Variants in APOBEC3C observed in about 807,000 individuals in gnomAD.
The protein encoded by APOBEC3C is DNA dC->dU-editing enzyme APOBEC-3C.
Under a neutral mutation model 20.6 loss-of-function variants are expected in APOBEC3C, and 14 were observed. That is an observed-to-expected ratio of 0.68 (90% CI 0.45 to 1.06). The LOEUF (loss-of-function observed/expected upper bound fraction) is 1.06. APOBEC3C is among the 50% of genes least tolerant of loss of function. APOBEC3C has a pLI of 0.00. For synonymous variants in APOBEC3C, 98 were observed against 88.8 expected, an observed-to-expected ratio of 1.10 and a Z score of -0.58; for missense variants, 244 against 241.9, an observed-to-expected ratio of 1.01 and a Z score of -0.06.
At position 39,018,660 on chromosome 22, in the gene APOBEC3C, T is replaced by C. The variant is rs1041450256; in HGVS notation, c.*273T>C. ...CGTGCCCCTAACCTGGCTTTTCCCA[T>C]CTCCCCAGCATAACCAAATCTTACT... On this transcript the variant is annotated 3_prime_UTR_variant, in exon 4 of 4. Transcript: ENST00000361441. 7.4e-5 allele frequency: 23 copies of C among 310,124 alleles called. No individual in the cohort carries two copies. Among genetic ancestry groups the C allele is most frequent in the African/African-American group, 3.9e-4 (18 of 46,512 alleles). The allele number at this position is 310,124 out of a possible 1,614,324, so 19.2% of individuals were successfully genotyped here.
intron 1 of APOBEC3C, among the ~76,000 whole-genome samples, 190 bp from the exon 2 acceptor site, chr22:39,015,405 G>T (rs555017165): frequency 2.0e-5 from 3 of 151,992 alleles, no homozygotes; most frequent in East Asian, 3.9e-4. Context: ...TGCTGCCCCT[G>T]CCAGCGTCCC....
chr22:39,014,825 G>C (rs1924724618), intron 1 of APOBEC3C, among the ~76,000 whole-genome samples: 5 of 152,154 alleles, frequency 3.3e-5, no homozygotes. Context: ...GAGGGTGTGG[G>C]GGAGGGAATG....
rs982972092 is a variant in APOBEC3C, at chr22:39,020,143, C to A, written c.*1756C>A. 3 of 152,132 alleles carry A rather than the reference C, an allele frequency of 2.0e-5. No homozygotes were observed. Among genetic ancestry groups the A allele is most frequent in the African/African-American group, 7.2e-5 (3 of 41,416 alleles). 9.4% of individuals were successfully genotyped at this position (152,132 alleles called of 1,614,324 possible). On this transcript the variant is annotated 3_prime_UTR_variant, in exon 4 of 4. Transcript: ENST00000361441. ...TTTGTTCAATAAGCATGGACTGCAA[C>A]CACCTACATGAATATTCATAGCTCC...
In APOBEC3C at chr22:39,019,558, TA is replaced by T. The variant is rs1924943002; in HGVS notation, c.*1176del. 6.6e-6 allele frequency: 1 copy of T among 152,204 alleles called. No individual in the cohort carries two copies. Among genetic ancestry groups the T allele is most frequent in the African/African-American group, 2.4e-5 (1 of 41,462 alleles). 9.4% of individuals were successfully genotyped at this position (152,204 alleles called of 1,614,324 possible). A position where few individuals can be genotyped will look rare whatever the true frequency, so the allele number is the denominator to read the frequency against. ...AAGTTTTAGAGAATGAGATTCTCCATAAAAATGACCCTTTCATGCTGTGGCC... is the reference window on the plus strand; with the variant it reads ...AAGTTTTAGAGAATGAGATTCTCCATAAAATGACCCTTTCATGCTGTGGCC... On this transcript the variant is annotated 3_prime_UTR_variant, in exon 4 of 4. Coordinates refer to ENST00000361441, the MANE Select transcript of APOBEC3C (RefSeq NM_014508.3).
rs939700962 is a variant in APOBEC3C at position 39,017,969 on chromosome 22, C to T, written c.378C>T (p.Phe126=). The T allele has an allele frequency of 2.5e-6, 4 of 1,614,108 alleles. No individual in the cohort carries two copies. Among genetic ancestry groups the T allele is most frequent in the Non-Finnish European group, 3.4e-6 (4 of 1,180,048 alleles). Residue 126 remains phenylalanine (F), a synonymous_variant, in exon 3 of 4, where the codon TTC becomes TTT. Coordinates refer to ENST00000361441, the MANE Select transcript of APOBEC3C (RefSeq NM_014508.3). ...LTIFTARLYY[F]QYPCYQEGLR... ...TCTTCACCGCCCGCCTCTACTACTT[C>T]CAGTATCCATGTTACCAGGAGGGGC...
At chr22:39,015,293 TA>T (rs531167782) in intron 1 of APOBEC3C, among the ~76,000 whole-genome samples, 10,193 of 131,854 alleles carry the variant, frequency 0.077, 1,096 homozygotes, top group African/African-American at 0.25. Flanking sequence ...ATGCCGTCTT[TA>T]AAAAAAAAAA....
chr22:39,017,936 T>C lies in APOBEC3C; in HGVS notation c.345T>C (p.Asn115=), dbSNP rs1924856155. 1 of 1,613,990 alleles carries C rather than the reference T, an allele frequency of 6.2e-7. No individual in the cohort carries two copies. Among genetic ancestry groups the C allele is most frequent in the Non-Finnish European group, 8.5e-7 (1 of 1,180,020 alleles). Residue 115 remains asparagine, a synonymous_variant, in exon 3 of 4, where the codon AAT becomes AAC. Transcript: ENST00000361441. ...AEFLARHSNV[N]LTIFTARLYY... ...TCCTGGCCAGGCACAGCAACGTGAA[T>C]CTCACCATCTTCACCGCCCGCCTCT...
In APOBEC3C at chr22:39,020,108, T is replaced by A. The variant is rs1468254019; in HGVS notation, c.*1721T>A. ...ACTATGCCCGGCTGGGATCATATGTTCCACACATGTTTGTTCAATAAGCAT... is the reference window on the plus strand; with the variant it reads ...ACTATGCCCGGCTGGGATCATATGTACCACACATGTTTGTTCAATAAGCAT... On this transcript the variant is annotated 3_prime_UTR_variant, in exon 4 of 4. Transcript: ENST00000361441. 1 of 152,150 alleles carries A rather than the reference T, an allele frequency of 6.6e-6. No homozygotes were observed. The highest frequency in any genetic ancestry group is 1.5e-5 in the Non-Finnish European group (1 of 68,036). The allele number at this position is 152,150 out of a possible 1,614,324, so 9.4% of individuals were successfully genotyped here. A position where few individuals can be genotyped will look rare whatever the true frequency, so the allele number is the denominator to read the frequency against.
intron 1 of APOBEC3C, among the ~76,000 whole-genome samples, chr22:39,015,167 C>T (rs1314962067): frequency 6.6e-6 from 1 of 151,950 alleles, no homozygotes; most frequent in South Asian, 2.1e-4. Context: ...GGGGTGCTGG[C>T]GGGCGTCTGT....
rs567859674 is a variant in APOBEC3C, at chr22:39,014,332, G to A, written c.-31G>A. 6.2e-7 allele frequency: 1 copy of A among 1,614,072 alleles called. No individual in the cohort carries two copies. The highest frequency in any genetic ancestry group is 1.3e-5 in the African/African-American group (1 of 75,046). The stretch of plus-strand genomic sequence containing the variant: ...GCCACAGCGCTTCAGAAAAGAGTGG[G>A]ACAGGGACAAGCATATCTAAGAGGC... On this transcript the variant is annotated 5_prime_UTR_variant, in exon 1 of 4. Transcript: ENST00000361441.
chr22:39,015,727 G>A lies in APOBEC3C; in HGVS notation c.150G>A (p.Trp50Ter). ...EGIKRRSVVSWKTGVFRNQVD... is the reference protein window; with the variant it reads ...EGIKRRSVVS ...TAAAGCGCCGCTCAGTTGTCTCCTG[G>A]AAGACGGGCGTCTTCCGAAACCAGG... Residue 50 changes from tryptophan (W) to a stop codon, truncating the protein, a stop_gained, in exon 2 of 4, where the codon TGG becomes TGA. Transcript: ENST00000361441. LOFTEE classifies it high-confidence loss of function. The A allele has an allele frequency of 6.2e-7, 1 of 1,613,988 alleles. No homozygotes were observed. The highest frequency in any genetic ancestry group is 8.5e-7 in the Non-Finnish European group (1 of 1,179,970).
Position 39,018,299 on chromosome 22 carries a change from A to T in APOBEC3C, c.485A>T (p.Tyr162Phe). The T allele has an allele frequency of 6.2e-7, 1 of 1,613,962 alleles. No individual in the cohort carries two copies. ...DFKYCWENFV[Y>F]NDNEPFKPWK... ...AAATATTGTTGGGAAAACTTTGTGT[A>T]CAATGATAATGAGCCATTCAAGCCT... Residue 162 changes from tyrosine (Y) to phenylalanine (F), a missense_variant, in exon 4 of 4, where the codon TAC (tyrosine) becomes TTC (phenylalanine). Transcript: ENST00000361441.
rs1447121147 is a variant in APOBEC3C at position 39,019,680 on chromosome 22, G to GGTT, written c.*1297_*1299dup. 6.6e-6 allele frequency: 1 copy of GGTT among 152,006 alleles called. No homozygotes were observed. Among genetic ancestry groups the GGTT allele is most frequent in the Non-Finnish European group, 1.5e-5 (1 of 68,030 alleles). The allele number at this position is 152,006 out of a possible 1,614,324, so 9.4% of individuals were successfully genotyped here. ...AGGTCCAACTTCGAGGGGTGGGTGGGGTTGTTTCCTCTGAGGCCGCTCCTT... is the reference window on the plus strand; with the variant it reads ...AGGTCCAACTTCGAGGGGTGGGTGGGGTTGTTGTTTCCTCTGAGGCCGCTCCTT... On this transcript the variant is annotated 3_prime_UTR_variant, in exon 4 of 4. Transcript: ENST00000361441.
At chr22:39,014,623 CCGAAAATCA>C (rs1164625255) in intron 1 of APOBEC3C, among the ~76,000 whole-genome samples, 1 of 152,150 alleles carries the variant, frequency 6.6e-6, no homozygotes, top group East Asian at 1.9e-4. Flanking sequence ...AGACTCTCCC[CCGAAAATCA>C]TGCCCGGGCT....
Position 39,018,502 on chromosome 22 carries a change from GGCCTCAGGGCC to G in APOBEC3C, c.*116_*126del. 2 of 1,262,060 alleles carry G rather than the reference GGCCTCAGGGCC, an allele frequency of 1.6e-6. No individual in the cohort carries two copies. The highest frequency in any genetic ancestry group is 2.4e-5 in the East Asian group (1 of 42,126). 78.2% of individuals were successfully genotyped at this position (1,262,060 alleles called of 1,614,324 possible). ...TGCCTGGTCATCCTGAGCCCCTCCT[GGCCTCAGGGCC>G]ATTCCACAGTGCTCCCCTGCCTCAC... On this transcript the variant is annotated 3_prime_UTR_variant, in exon 4 of 4. Coordinates refer to ENST00000361441, the MANE Select transcript of APOBEC3C (RefSeq NM_014508.3).
In APOBEC3C at chr22:39,017,831, G is replaced by A; in HGVS notation, c.240G>A (p.Leu80=). 1 of 1,614,090 alleles carries A rather than the reference G, an allele frequency of 6.2e-7. No homozygotes were observed. The highest frequency in any genetic ancestry group is 8.5e-7 in the Non-Finnish European group (1 of 1,179,978). The change falls in exon 3 of 4, where the codon CTG becomes CTA. Residue 80 remains leucine (L), a synonymous_variant. Coordinates refer to ENST00000361441, the MANE Select transcript of APOBEC3C (RefSeq NM_014508.3). Reference sequence around the variant, plus strand: ...TCTCTTGGTTCTGCGACGACATACTGTCTCCTAACACAAAGTACCAGGTCA... The same window carrying A: ...TCTCTTGGTTCTGCGACGACATACTATCTCCTAACACAAAGTACCAGGTCA... ...CFLSWFCDDI[L]SPNTKYQVTW...
rs950966322 is a variant in APOBEC3C, at chr22:39,015,993, A to G, written c.174+242A>G. Among the ~76,000 whole-genome samples, 41 of 150,420 alleles carry G rather than the reference A, an allele frequency of 2.7e-4. No individual in the cohort carries two copies. The Admixed American group carries it at 2.7e-3, about 10-fold the overall frequency. ...CAGGTTCACGCGATTCTCCTGCCTC[A>G]GTCTCCCGAGTAGCTGGGATTACAG... On this transcript the variant is annotated intron_variant, in intron 2 of 3. Transcript: ENST00000361441.
rs1924923666 is a variant in APOBEC3C at position 39,019,264 on chromosome 22, T to C, written c.*877T>C. On this transcript the variant is annotated 3_prime_UTR_variant, in exon 4 of 4. Coordinates refer to ENST00000361441, the MANE Select transcript of APOBEC3C (RefSeq NM_014508.3). ...ATCCATAGCTTCTGCGATAAATGGC[T>C]GTAAGTCTTGGACTCCTTGCTCCAA... The C allele has an allele frequency of 6.6e-6, 1 of 152,190 alleles. No individual in the cohort carries two copies. Among genetic ancestry groups the C allele is most frequent in the African/African-American group, 2.4e-5 (1 of 41,444 alleles). 9.4% of individuals were successfully genotyped at this position (152,190 alleles called of 1,614,324 possible).
At chr22:39,015,556 G>C (rs762553668) in intron 1 of APOBEC3C, 39 bp from the exon 2 acceptor site, 58 of 1,603,850 alleles carry the variant, frequency 3.6e-5, no homozygotes, top group Non-Finnish European at 4.9e-5. Context: ...ACTCCGGTGC[G>C]GGGGTCTCTG....
Sources: allele counts gnomAD v4.1 joint callset (sites outside exome capture counted in the v4.1 genomes callset), GRCh38; gene constraint gnomAD v4.1.1; transcripts MANE v1.5; gene names NCBI Gene and HGNC (gene_info 2026-07-23, HGNC 2026-07-21).